SLC30A9: variants seen among roughly 807,000 people sequenced by gnomAD.
SLC30A9 encodes proton-coupled zinc antiporter SLC30A9, mitochondrial.
A neutral mutation model predicts 87.5 loss-of-function variants in SLC30A9; 58 were observed. The ratio of observed to expected loss-of-function variants is 0.66; its 90% CI spans 0.54 to 0.82. SLC30A9 has a LOEUF of 0.82. SLC30A9 is among the 40% of genes least tolerant of loss of function. The pLI is 0.00. For synonymous variants in SLC30A9, 234 were observed against 233.0 expected (o/e 1.00, Z -0.04); for missense variants, 557 against 679.1 (o/e 0.82, Z 2.00).
At chr4:42,055,383 A>C (rs572679237) in intron 9 of SLC30A9, among the ~76,000 whole-genome samples, 158 of 77,046 alleles carry the variant, frequency 2.1e-3, no homozygotes, top group African/African-American at 3.9e-3. Flanking sequence ...GTAGTTTTTT[A>C]TTTATTTATT....
chr4:42,016,078 T>C (rs1715708197), intron 2 of SLC30A9, among the ~76,000 whole-genome samples: 1 of 152,126 alleles, frequency 6.6e-6, no homozygotes, highest in Non-Finnish European at 1.5e-5. Context: ...GGGGAAGTTA[T>C]AATAATCTCT....
intron 6 of SLC30A9, chr4:42,029,739 G>C: frequency 1.4e-6 from 1 of 728,402 alleles, no homozygotes; most frequent in Non-Finnish European, 2.6e-6. Context: ...CAAACCACAT[G>C]TTATTATAAA....
At chr4:42,022,780 T>C (rs1425586479) in intron 4 of SLC30A9, 58 bp from the exon 5 acceptor site, 12 of 942,462 alleles carry the variant, frequency 1.3e-5, no homozygotes, top group Non-Finnish European at 1.8e-5. Context: ...TAATCCTCTT[T>C]AAGTATATAA....
At chr4:41,991,088 G>T (rs1210870997) in intron 1 of SLC30A9, among the ~76,000 whole-genome samples, 1 of 152,292 alleles carries the variant, frequency 6.6e-6, no homozygotes, top group African/African-American at 2.4e-5. Context: ...TCACCTCCGC[G>T]GTTGGAAATT....
intron 8 of SLC30A9, 134 bp from the exon 9 acceptor site, chr4:42,049,243 G>T: frequency 1.9e-6 from 1 of 526,094 alleles, no homozygotes; most frequent in Non-Finnish European, 3.4e-6. Context: ...TGGCATTATA[G>T]GTGTGAGCCA....
At chr4:42,053,416 C>T (rs144854411) in intron 9 of SLC30A9, among the ~76,000 whole-genome samples, 28 of 152,120 alleles carry the variant, frequency 1.8e-4, no homozygotes, top group African/African-American at 6.3e-4. Flanking sequence ...GTTGGCTGGG[C>T]GCGGTGGCTC....
chr4:42,020,700 G>GC (rs1715912302), intron 4 of SLC30A9, 185 bp downstream of exon 4: 1 of 456,516 alleles, frequency 2.2e-6, no homozygotes, highest in African/African-American at 2.0e-5. Flanking sequence ...ACTGAATCCT[G>GC]CCCCAGCATT....
chr4:42,074,165 C>G (rs1305750848), intron 15 of SLC30A9, among the ~76,000 whole-genome samples: 2 of 151,762 alleles, frequency 1.3e-5, no homozygotes, highest in Admixed American at 6.6e-5. Context: ...AACTTGAGCA[C>G]ATGTAACTAT....
chr4:42,022,348 C>T (rs192545557), intron 4 of SLC30A9, among the ~76,000 whole-genome samples: 1 of 150,836 alleles, frequency 6.6e-6, no homozygotes, highest in African/African-American at 2.4e-5. Flanking sequence ...CTGCCTCAGC[C>T]TCCTGAGTAG....
intron 17 of SLC30A9, among the ~76,000 whole-genome samples, chr4:42,083,770 T>C (rs543482360): frequency 6.6e-6 from 1 of 151,786 alleles, no homozygotes; most frequent in African/African-American, 2.4e-5. Context: ...GTTTGGAGAA[T>C]TTTTTTTTAA....
At chr4:41,998,907 C>T (rs748470295) in intron 1 of SLC30A9, among the ~76,000 whole-genome samples, 20 of 152,102 alleles carry the variant, frequency 1.3e-4, no homozygotes, top group Admixed American at 1.0e-3. Flanking sequence ...TTTTCTGTCT[C>T]GTATGAATGC....
chr4:42,070,827 A>G (rs940313790), intron 15 of SLC30A9, 136 bp downstream of exon 15: 103 of 597,910 alleles, frequency 1.7e-4, no homozygotes, highest in Non-Finnish European at 2.3e-4. Flanking sequence ...ACTTTTCAGA[A>G]TTATAATCCT....
At chr4:42,018,360 T>C (rs1324562622) in intron 3 of SLC30A9, 190 bp downstream of exon 3, 5 of 1,019,776 alleles carry the variant, frequency 4.9e-6, no homozygotes, top group Non-Finnish European at 4.2e-6. Context: ...AAATTTATTT[T>C]GCATTTTTGT....
chr4:42,088,231 A>T lies in SLC30A9; in HGVS notation c.*2105A>T, dbSNP rs1295132824. On this transcript the variant is annotated 3_prime_UTR_variant, in exon 18 of 18. Coordinates refer to ENST00000264451, the MANE Select transcript of SLC30A9 (RefSeq NM_006345.4). ...TTATGTGGAATCAGGAAATTTTTCTAGAGTCACTGAATTTTCAAATCAGAG... is the reference window on the plus strand; with the variant it reads ...TTATGTGGAATCAGGAAATTTTTCTTGAGTCACTGAATTTTCAAATCAGAG... 1 of 152,198 alleles carries T rather than the reference A, an allele frequency of 6.6e-6. No homozygotes were observed. Among genetic ancestry groups the T allele is most frequent in the East Asian group, 1.9e-4 (1 of 5,202 alleles). The allele number at this position is 152,198 out of a possible 1,614,324, so 9.4% of individuals were successfully genotyped here.
At chr4:42,030,229 A>G in intron 6 of SLC30A9, 1 of 259,634 alleles carries the variant, frequency 3.9e-6, no homozygotes, top group South Asian at 6.7e-5. Flanking sequence ...CTACACTTAA[A>G]GCATAATCTA....
chr4:42,066,984 T>G (rs1328993332), intron 13 of SLC30A9, 101 bp from the exon 14 acceptor site: 6 of 723,336 alleles, frequency 8.3e-6, no homozygotes, highest in Non-Finnish European at 1.4e-5. Context: ...TTATCTTAAC[T>G]TATATCTTGA....
intron 2 of SLC30A9, among the ~76,000 whole-genome samples, chr4:42,006,073 A>G (rs1268549772): frequency 6.6e-6 from 1 of 152,252 alleles, no homozygotes; most frequent in African/African-American, 2.4e-5. Flanking sequence ...AATACAGTGT[A>G]ACAACGGTTT....
chr4:42,041,342 T>C (rs953078680), intron 8 of SLC30A9, among the ~76,000 whole-genome samples: 3 of 152,050 alleles, frequency 2.0e-5, no homozygotes, highest in African/African-American at 7.2e-5. Flanking sequence ...TGGAGTGCAG[T>C]GGTGCAATCT....
chr4:42,046,612 C>T (rs1717160979), intron 8 of SLC30A9, among the ~76,000 whole-genome samples: 1 of 152,106 alleles, frequency 6.6e-6, no homozygotes, highest in Non-Finnish European at 1.5e-5. Context: ...ACATTCCATG[C>T]TCGTGGATAG....
Sources: allele counts gnomAD v4.1 joint callset (sites outside exome capture counted in the v4.1 genomes callset), GRCh38; gene constraint gnomAD v4.1.1; transcripts MANE v1.5; gene names NCBI Gene and HGNC (gene_info 2026-07-23, HGNC 2026-07-21).